The following LTBP1 variants were observed in gnomAD, a reference collection of about 807,000 sequenced individuals.
The protein encoded by LTBP1 is latent transforming growth factor beta binding protein 1.
A neutral mutation model predicts 207.6 loss-of-function variants in LTBP1; 129 were observed. The ratio of observed to expected loss-of-function variants is 0.62; its 90% CI spans 0.54 to 0.72. LTBP1 has a LOEUF of 0.72. Ranked by LOEUF, LTBP1 falls within the 30% of genes least tolerant of loss-of-function variation. LTBP1 has a pLI of 0.00. For synonymous variants in LTBP1, 963 were observed against 833.7 expected (o/e 1.16, Z -2.67); for missense variants, 2,281 against 2,217.2 (o/e 1.03, Z -0.58).
chr2:33,150,469 A>C (rs972862420), intron 5 of LTBP1, among the ~76,000 whole-genome samples: 2 of 151,970 alleles, frequency 1.3e-5, no homozygotes, highest in Non-Finnish European at 2.9e-5. Context: ...AATGGCATTG[A>C]GTATATTCAT....
intron 15 of LTBP1, among the ~76,000 whole-genome samples, chr2:33,264,958 CAGTCTG>C (rs3050379): frequency 0.11 from 17,136 of 151,974 alleles, 1,557 homozygotes; most frequent in African/African-American, 0.25. Context: ...GCATAAGTTC[CAGTCTG>C]AGTCTGAGTC....
At chr2:33,263,432 G>A in intron 15 of LTBP1, 40 bp downstream of exon 15, 1 of 1,435,650 alleles carries the variant, frequency 7.0e-7, no homozygotes, top group Non-Finnish European at 9.8e-7. Context: ...ACATGGAGGA[G>A]ACGTGGGGCT....
chr2:32,990,737 G>C (rs1684279904), intron 2 of LTBP1, among the ~76,000 whole-genome samples: 1 of 152,108 alleles, frequency 6.6e-6, no homozygotes, highest in Non-Finnish European at 1.5e-5. Flanking sequence ...AAAGTTATAT[G>C]TGTCATTAGT....
intron 5 of LTBP1, among the ~76,000 whole-genome samples, chr2:33,163,100 G>C (rs895851830): frequency 2.0e-5 from 3 of 152,166 alleles, no homozygotes; most frequent in Admixed American, 2.0e-4. Flanking sequence ...TCCCACGTCA[G>C]CCTCCCAGGT....
At chr2:33,151,970 T>C (rs1396894128) in intron 5 of LTBP1, among the ~76,000 whole-genome samples, 1 of 152,000 alleles carries the variant, frequency 6.6e-6, no homozygotes, top group Non-Finnish European at 1.5e-5. Flanking sequence ...TAAACATGCG[T>C]GTGCAAGTTG....
At chr2:33,326,483 A>G (rs1040748726) in intron 24 of LTBP1, among the ~76,000 whole-genome samples, 1 of 149,218 alleles carries the variant, frequency 6.7e-6, no homozygotes, top group Non-Finnish European at 1.5e-5. Context: ...AAATGCTGGC[A>G]TACTTTTATT....
intron 4 of LTBP1, among the ~76,000 whole-genome samples, chr2:33,133,091 A>C (rs942367602): frequency 2.2e-4 from 33 of 152,170 alleles, no homozygotes; most frequent in African/African-American, 7.5e-4. Context: ...TGATACGTGG[A>C]ATGCAAACAG....
At chr2:32,954,245 C>A (rs1351673768) in intron 2 of LTBP1, among the ~76,000 whole-genome samples, 1 of 152,202 alleles carries the variant, frequency 6.6e-6, no homozygotes, top group Non-Finnish European at 1.5e-5. Context: ...TGCCTAACTT[C>A]ACATCATGAT....
At chr2:33,157,896 C>G (rs1166103908) in intron 5 of LTBP1, among the ~76,000 whole-genome samples, 1 of 152,124 alleles carries the variant, frequency 6.6e-6, no homozygotes. Context: ...AATCCCAGCA[C>G]TTTGGGAAGC....
rs558479856 is a variant in LTBP1 at position 33,141,638 on chromosome 2, G to A, written c.1201+6678G>A. 7.9e-5 allele frequency among the ~76,000 whole-genome samples: 12 copies of A among 152,246 alleles called. No homozygotes were observed. The South Asian group carries it at 2.1e-3, about 26-fold the overall frequency. The stretch of plus-strand genomic sequence containing the variant: ...GAAGGCGTGGTTGCTATTTTAGAGA[G>A]CTCAGGGAATGCAGGGCTGTCTGAT... On this transcript the variant is annotated intron_variant, in intron 5 of 33. Transcript: ENST00000404816.
intron 3 of LTBP1, among the ~76,000 whole-genome samples, chr2:33,089,162 A>G (rs2078934697): frequency 6.6e-6 from 1 of 151,410 alleles, no homozygotes; most frequent in South Asian, 2.1e-4. Context: ...TCTCAAAAAA[A>G]AAAAAAAAAA....
intron 32 of LTBP1, among the ~76,000 whole-genome samples, chr2:33,394,705 T>C (rs2095343831): frequency 6.6e-6 from 1 of 152,238 alleles, no homozygotes; most frequent in Non-Finnish European, 1.5e-5. Flanking sequence ...TTGGTTACTG[T>C]AGCCTTGTAG....
At chr2:33,059,079 T>A (rs1265760029) in intron 3 of LTBP1, among the ~76,000 whole-genome samples, 1 of 152,222 alleles carries the variant, frequency 6.6e-6, no homozygotes, top group Non-Finnish European at 1.5e-5. Flanking sequence ...AGGAAAAGGA[T>A]GATGTGAATT....
chr2:33,241,419 C>T (rs1319915689), intron 9 of LTBP1, among the ~76,000 whole-genome samples: 1 of 152,146 alleles, frequency 6.6e-6, no homozygotes, highest in Non-Finnish European at 1.5e-5. Context: ...AGGCAGTAAG[C>T]AGTGTGGAGA....
At chr2:33,312,599 G>T (rs999479367) in intron 23 of LTBP1, among the ~76,000 whole-genome samples, 2 of 152,018 alleles carry the variant, frequency 1.3e-5, no homozygotes, top group Admixed American at 1.3e-4. Flanking sequence ...GTTTAGAAAT[G>T]CCTCAATAAG....
At chr2:33,366,034 T>C (rs1489753607) in intron 31 of LTBP1, among the ~76,000 whole-genome samples, 1 of 152,236 alleles carries the variant, frequency 6.6e-6, no homozygotes, top group African/African-American at 2.4e-5. Flanking sequence ...GTTCTAGATC[T>C]ATCTGGGTTT....
Position 33,260,130 on chromosome 2 carries a change from A to G in LTBP1, c.2418+520A>G, listed in dbSNP as rs181166849. Among the ~76,000 whole-genome samples, 55 of 152,272 alleles carry G rather than the reference A, an allele frequency of 3.6e-4. No individual in the cohort carries two copies. The East Asian group carries it at 6.6e-3, about 18-fold the overall frequency. On this transcript the variant is annotated intron_variant, in intron 13 of 33. Coordinates refer to ENST00000404816, the MANE Select transcript of LTBP1 (RefSeq NM_206943.4). The stretch of plus-strand genomic sequence containing the variant: ...ATGTTGCTTTTTGAAAAGTCAGTCT[A>G]TTGGCTTTTGGGCATAGATGGGGGC...
intron 3 of LTBP1, among the ~76,000 whole-genome samples, chr2:33,050,416 G>A (rs1354950291): frequency 3.3e-5 from 5 of 151,862 alleles, no homozygotes; most frequent in Admixed American, 6.6e-5. Flanking sequence ...AAGTAGGATC[G>A]GAATCTTTCT....
At chr2:33,166,924 T>C (rs902640413) in intron 5 of LTBP1, among the ~76,000 whole-genome samples, 1 of 152,194 alleles carries the variant, frequency 6.6e-6, no homozygotes, top group Non-Finnish European at 1.5e-5. Flanking sequence ...ATTACCTCCA[T>C]GTAACTGACT....
Sources: allele counts gnomAD v4.1 joint callset (sites outside exome capture counted in the v4.1 genomes callset), GRCh38; gene constraint gnomAD v4.1.1; transcripts MANE v1.5; gene names NCBI Gene and HGNC (gene_info 2026-07-23, HGNC 2026-07-21).